UBE2E2: variants seen among roughly 807,000 people sequenced by gnomAD.
UBE2E2 encodes the protein ubiquitin conjugating enzyme E2 E2, also known as ubiquitin-conjugating enzyme E2 E2.
UBE2E2 carries 6 observed loss-of-function variants against 24.7 expected under a neutral mutation model. The observed-to-expected ratio is 0.24, with a 90% CI of 0.13 to 0.48. The LOEUF is 0.48. Among genes scored for constraint, UBE2E2 ranks in the 20% least tolerant of loss-of-function variants. The pLI is 0.99. For missense variants in UBE2E2, 169 were observed against 245.0 expected, an observed-to-expected ratio of 0.69 and a Z score of 2.07; for synonymous variants, 104 against 83.6, an observed-to-expected ratio of 1.24 and a Z score of -1.33.
At chr3:23,222,236 A>T (rs983679743) in intron 3 of UBE2E2, among the ~76,000 whole-genome samples, 1 of 152,014 alleles carries the variant, frequency 6.6e-6, no homozygotes, top group Non-Finnish European at 1.5e-5. Context: ...CATTTTCTTT[A>T]TTCATTCATT....
chr3:23,355,954 G>A (rs4858074), intron 3 of UBE2E2, among the ~76,000 whole-genome samples: 81,841 of 152,098 alleles, frequency 0.54, 22,249 homozygotes, highest in Admixed American at 0.65. Context: ...GCCATTTCTT[G>A]TTTTACACAG....
intron 5 of UBE2E2, among the ~76,000 whole-genome samples, chr3:23,566,878 A>G (rs1224228087): frequency 2.0e-5 from 3 of 152,206 alleles, no homozygotes; most frequent in Non-Finnish European, 4.4e-5. Flanking sequence ...GACAAAGGCT[A>G]CAAAGAGGAA....
At chr3:23,297,905 C>G (rs1413399667) in intron 3 of UBE2E2, among the ~76,000 whole-genome samples, 1 of 152,072 alleles carries the variant, frequency 6.6e-6, no homozygotes, top group Non-Finnish European at 1.5e-5. Flanking sequence ...GATATTGATT[C>G]TTCCTACCCA....
chr3:23,234,831 C>G (rs1697064764), intron 3 of UBE2E2, among the ~76,000 whole-genome samples: 1 of 152,200 alleles, frequency 6.6e-6, no homozygotes, highest in East Asian at 1.9e-4. Flanking sequence ...GATAAAGCAG[C>G]TAGTCAGAAA....
chr3:23,221,683 C>A (rs1260047816), intron 3 of UBE2E2, among the ~76,000 whole-genome samples: 1 of 151,648 alleles, frequency 6.6e-6, no homozygotes, highest in Non-Finnish European at 1.5e-5. Flanking sequence ...GTCGCCCAAA[C>A]TAGAGTGCAA....
intron 3 of UBE2E2, among the ~76,000 whole-genome samples, chr3:23,420,550 A>G (rs1282327837): frequency 6.6e-6 from 1 of 152,232 alleles, no homozygotes; most frequent in Non-Finnish European, 1.5e-5. Flanking sequence ...CTAATTAACA[A>G]TGCTAGATAA....
At chr3:23,548,727 C>T (rs972123903) in intron 5 of UBE2E2, among the ~76,000 whole-genome samples, 2 of 152,156 alleles carry the variant, frequency 1.3e-5, no homozygotes, top group Non-Finnish European at 2.9e-5. Context: ...ACCTTGCTTG[C>T]ACTCAGTAAA....
chr3:23,556,624 A>G (rs1487047685), intron 5 of UBE2E2, among the ~76,000 whole-genome samples: 1 of 152,106 alleles, frequency 6.6e-6, no homozygotes, highest in Non-Finnish European at 1.5e-5. Context: ...AAAACCACTA[A>G]TAGCTTATTT....
chr3:23,410,269 A>G (rs573120564), intron 3 of UBE2E2, among the ~76,000 whole-genome samples: 34 of 152,186 alleles, frequency 2.2e-4, no homozygotes, highest in Admixed American at 6.5e-4. Context: ...TTTGTGTAGA[A>G]TATTTTATTT....
At chr3:23,550,248 T>C (rs184232871) in intron 5 of UBE2E2, among the ~76,000 whole-genome samples, 209 of 152,282 alleles carry the variant, frequency 1.4e-3, no homozygotes, top group African/African-American at 4.7e-3. Context: ...TTATCTTCTG[T>C]CATCTATAAA....
At position 23,493,392 on chromosome 3, in the gene UBE2E2, T is replaced by C. The variant is rs76265745; in HGVS notation, c.228-6216T>C. Among the ~76,000 whole-genome samples the C allele has an allele frequency of 2.2e-3, 338 of 152,350 alleles. 2 individuals are homozygous for C. Among genetic ancestry groups the C allele is most frequent in the African/African-American group, 7.8e-3 (324 of 41,588 alleles). On this transcript the variant is annotated intron_variant, in intron 3 of 5. Coordinates refer to ENST00000396703, the MANE Select transcript of UBE2E2 (RefSeq NM_152653.4). ...GCATGGGAAGCTGAACACAGTTTGATTCTGTTGCAGAATTTCTCCTGAAGC... is the reference window on the plus strand; with the variant it reads ...GCATGGGAAGCTGAACACAGTTTGACTCTGTTGCAGAATTTCTCCTGAAGC...
intron 4 of UBE2E2, among the ~76,000 whole-genome samples, chr3:23,504,388 T>C (rs115553565): frequency 8.7e-4 from 133 of 152,368 alleles, no homozygotes; most frequent in African/African-American, 2.9e-3. Flanking sequence ...ATCAGTGATG[T>C]GATGAACATT....
chr3:23,551,820 G>A (rs563183560), intron 5 of UBE2E2, among the ~76,000 whole-genome samples: 136 of 152,272 alleles, frequency 8.9e-4, no homozygotes, highest in Non-Finnish European at 1.5e-3. Flanking sequence ...TGTGTGCTAC[G>A]GACTGAACTG....
chr3:23,462,932 A>G (rs1223454658), intron 3 of UBE2E2, among the ~76,000 whole-genome samples: 3 of 152,158 alleles, frequency 2.0e-5, no homozygotes, highest in African/African-American at 7.2e-5. Context: ...ATGGTGCCCC[A>G]TCCCAACTGG....
rs1559439114 is a variant in UBE2E2, at chr3:23,208,706, A to T, written c.7A>T (p.Thr3Ser). 1 of 1,606,408 alleles carries T rather than the reference A, an allele frequency of 6.2e-7. No homozygotes were observed. The highest frequency in any genetic ancestry group is 8.5e-7 in the Non-Finnish European group (1 of 1,176,902). The change falls in exon 2 of 6, where the codon ACT (threonine) becomes TCT (serine). Residue 3 changes from threonine (T) to serine (S), a missense_variant. By Grantham distance (58) the Thr-to-Ser change is moderately conservative. This residue lies in a region of UBE2E2 where 64 missense variants were observed against 64.3 expected (regional missense o/e 1.00). Coordinates refer to ENST00000396703, the MANE Select transcript of UBE2E2 (RefSeq NM_152653.4). The stretch of plus-strand genomic sequence containing the variant: ...CTTTAATCCAGGATCTAAAATGTCC[A>T]CTGAGGCACAAAGAGTTGATGACAG... MS[T>S]EAQRVDDSPS...
chr3:23,300,171 G>A (rs924889556), intron 3 of UBE2E2, among the ~76,000 whole-genome samples: 3 of 152,084 alleles, frequency 2.0e-5, no homozygotes, highest in African/African-American at 7.2e-5. Flanking sequence ...TTGAGCCTAT[G>A]TGTGTCTCTG....
intron 3 of UBE2E2, among the ~76,000 whole-genome samples, chr3:23,385,757 C>T (rs996519049): frequency 6.6e-6 from 1 of 152,220 alleles, no homozygotes; most frequent in Non-Finnish European, 1.5e-5. Context: ...GAAAAACCAT[C>T]AGCTTCTTGT....
intron 3 of UBE2E2, among the ~76,000 whole-genome samples, chr3:23,399,731 A>G (rs751825351): frequency 6.2e-4 from 94 of 152,240 alleles, no homozygotes; most frequent in Admixed American, 5.2e-4. Flanking sequence ...TTAAATATTT[A>G]CAAAATCGTA....
intron 3 of UBE2E2, among the ~76,000 whole-genome samples, chr3:23,394,046 C>T (rs923244912): frequency 2.0e-4 from 30 of 152,130 alleles, no homozygotes; most frequent in African/African-American, 6.0e-4. Flanking sequence ...CAGAAAAAAG[C>T]AGCATGGGGA....
Sources: allele counts gnomAD v4.1 joint callset (sites outside exome capture counted in the v4.1 genomes callset), GRCh38; gene constraint gnomAD v4.1.1; regional missense constraint gnomAD v4.1.1; transcripts MANE v1.5; gene names NCBI Gene and HGNC (gene_info 2026-07-23, HGNC 2026-07-21).